The following SGPP2 variants were observed in gnomAD, a reference collection of about 807,000 sequenced individuals.
The protein encoded by SGPP2 is sphingosine-1-phosphate phosphatase 2.
SGPP2 carries 30 observed loss-of-function variants against 33.9 expected under a neutral mutation model. That is an observed-to-expected ratio of 0.89 (90% CI 0.66 to 1.20). The LOEUF is 1.20. SGPP2 is among the 50% of genes most tolerant of loss of function. SGPP2 has a pLI of 0.00. For missense variants in SGPP2, 458 were observed against 532.1 expected (o/e 0.86, Z 1.37); for synonymous variants, 233 against 225.0 (o/e 1.04, Z -0.32).
chr2:222,453,180 A>G (rs930040355), intron 1 of SGPP2: 92 of 779,670 alleles, frequency 1.2e-4, no homozygotes, highest in Non-Finnish European at 2.1e-5. Context: ...AGCAGGAGAC[A>G]TTTGCAAGGA....
chr2:222,538,297 G>A (rs967151007), intron 4 of SGPP2, among the ~76,000 whole-genome samples: 2 of 152,166 alleles, frequency 1.3e-5, no homozygotes, highest in African/African-American at 4.8e-5. Context: ...AACTTTTAGT[G>A]TATATAAATT....
chr2:222,522,924 CT>C (rs376189781), intron 3 of SGPP2, among the ~76,000 whole-genome samples: 7 of 152,216 alleles, frequency 4.6e-5, no homozygotes, highest in Non-Finnish European at 7.3e-5. Context: ...CTCAAGCAAT[CT>C]GCCTGCCTGG....
At position 222,424,578 on chromosome 2, in the gene SGPP2, GGCGGAGCGCGGCCCC is replaced by G; in HGVS notation, c.-23_-9del. 8.2e-7 allele frequency: 1 copy of G among 1,218,066 alleles called. No individual in the cohort carries two copies. Among genetic ancestry groups the G allele is most frequent in the Non-Finnish European group, 1.0e-6 (1 of 976,172 alleles). The allele number at this position is 1,218,066 out of a possible 1,614,324, so 75.5% of individuals were successfully genotyped here. On this transcript the variant is annotated 5_prime_UTR_variant, in exon 1 of 5. Coordinates refer to ENST00000321276, the MANE Select transcript of SGPP2 (RefSeq NM_152386.4). ...GGCACCGGCCCGGCGTGGCAGCGGCGGCGGAGCGCGGCCCCGGGCACACCATGGCCGAGCTGCTGC... is the reference window on the plus strand; with the variant it reads ...GGCACCGGCCCGGCGTGGCAGCGGCGGGGCACACCATGGCCGAGCTGCTGC...
At chr2:222,445,962 C>T (rs755662064) in intron 1 of SGPP2, among the ~76,000 whole-genome samples, 25 of 152,020 alleles carry the variant, frequency 1.6e-4, no homozygotes, top group Admixed American at 1.2e-3. Context: ...TCCAGAAGGG[C>T]GGAACTACAG....
chr2:222,510,261 T>A (rs58859120), intron 2 of SGPP2, among the ~76,000 whole-genome samples: 3,138 of 152,318 alleles, frequency 0.021, 107 homozygotes, highest in African/African-American at 0.07. Context: ...TGGATGAGTG[T>A]CTGGTGTCTG....
chr2:222,474,874 A>G (rs79122199), intron 2 of SGPP2, 148 bp downstream of exon 2: 4 of 703,692 alleles, frequency 5.7e-6, no homozygotes, highest in Non-Finnish European at 9.0e-6. Flanking sequence ...CTTTGGAAAA[A>G]TTAGAAAGCA....
At chr2:222,502,778 A>G (rs899745918) in intron 2 of SGPP2, among the ~76,000 whole-genome samples, 2 of 152,200 alleles carry the variant, frequency 1.3e-5, no homozygotes, top group African/African-American at 4.8e-5. Flanking sequence ...TGCTAAAGCC[A>G]ACAGTGCTGG....
chr2:222,527,964 C>A lies in SGPP2; in HGVS notation c.648+2931C>A, dbSNP rs185501088. Among the ~76,000 whole-genome samples the A allele has an allele frequency of 2.9e-3, 442 of 152,202 alleles. 1 individual carries two copies. The highest frequency in any genetic ancestry group is 9.7e-3 in the African/African-American group (401 of 41,516). ...GAAACCTATGCCACCCCTCAGGTGT[C>A]CAAGTCTACTGAAGGAGACAGATGT... On this transcript the variant is annotated intron_variant, in intron 4 of 4. Coordinates refer to ENST00000321276, the MANE Select transcript of SGPP2 (RefSeq NM_152386.4).
chr2:222,556,581 GC>G (rs1689407113), intron 4 of SGPP2, among the ~76,000 whole-genome samples: 1 of 26,598 alleles, frequency 3.8e-5, no homozygotes, highest in Non-Finnish European at 7.0e-5. Flanking sequence ...CTCACTCCTT[GC>G]CCATCCACTC....
chr2:222,485,725 A>G (rs1574855641), intron 2 of SGPP2, among the ~76,000 whole-genome samples: 2 of 152,066 alleles, frequency 1.3e-5, no homozygotes, highest in South Asian at 4.2e-4. Flanking sequence ...CATCTTCCCC[A>G]CACCCCAGGC....
intron 1 of SGPP2, among the ~76,000 whole-genome samples, chr2:222,468,132 G>A (rs1192665964): frequency 6.6e-6 from 1 of 152,074 alleles, no homozygotes. Context: ...TCTGGAAGAG[G>A]TTGAGGTCCA....
rs145477940 is a variant in SGPP2 at position 222,558,367 on chromosome 2, G to C, written c.669G>C (p.Leu223=). 19 of 1,613,980 alleles carry C rather than the reference G, an allele frequency of 1.2e-5. No individual in the cohort carries two copies. Among genetic ancestry groups the C allele is most frequent in the African/African-American group, 9.3e-5 (7 of 74,898 alleles). The stretch of plus-strand genomic sequence containing the variant: ...CAAAGGATGTGCTGGGTGGCGTCCT[G>C]ATCACCGCACTCCTCATCGTCCTCA... ...HTVLDVLGGV[L]ITALLIVLTY... is the part of the protein sequence containing the mutation. Residue 223 remains leucine (L), a synonymous_variant, in exon 5 of 5, where the codon CTG becomes CTC. Transcript: ENST00000321276.
intron 2 of SGPP2, among the ~76,000 whole-genome samples, chr2:222,506,924 G>A (rs546047478): frequency 6.6e-6 from 1 of 152,196 alleles, no homozygotes; most frequent in South Asian, 2.1e-4. Flanking sequence ...GGTGGACCAT[G>A]AGTGTGGCAG....
chr2:222,481,460 A>G (rs558823120), intron 2 of SGPP2, among the ~76,000 whole-genome samples: 4 of 152,180 alleles, frequency 2.6e-5, no homozygotes, highest in Non-Finnish European at 4.4e-5. Flanking sequence ...TCTGTGTCTC[A>G]GAGGCAGTGT....
rs775953022 is a variant in SGPP2, at chr2:222,558,644, C to G, written c.946C>G (p.Leu316Val). 10 of 1,614,180 alleles carry G rather than the reference C, an allele frequency of 6.2e-6. No individual in the cohort carries two copies. Among genetic ancestry groups the G allele is most frequent in the Non-Finnish European group, 8.5e-6 (10 of 1,180,020 alleles). Residue 316 changes from leucine (L) to valine (V), a missense_variant, in exon 5 of 5, where the codon CTC becomes GTC. By Grantham distance (32) the Leu-to-Val change is conservative (BLOSUM62 1). Transcript: ENST00000321276. ...CCCTGTTATTCAGAACATCCCACCA[C>G]TCACCACCTACATGTTAGTTTTGGG... ...SLPVIQNIPP[L>V]TTYMLVLGLT...
At chr2:222,531,888 C>T (rs1473452265) in intron 4 of SGPP2, among the ~76,000 whole-genome samples, 4 of 152,128 alleles carry the variant, frequency 2.6e-5, no homozygotes, top group African/African-American at 9.7e-5. Flanking sequence ...TGTAGACACC[C>T]AGCATCCACA....
At chr2:222,500,650 T>C (rs1698353842) in intron 2 of SGPP2, among the ~76,000 whole-genome samples, 2 of 152,204 alleles carry the variant, frequency 1.3e-5, no homozygotes, top group Non-Finnish European at 2.9e-5. Flanking sequence ...TCCCCCAGAT[T>C]AGCAGATACA....
chr2:222,489,755 C>T (rs1017654763), intron 2 of SGPP2, among the ~76,000 whole-genome samples: 1 of 152,066 alleles, frequency 6.6e-6, no homozygotes, highest in Non-Finnish European at 1.5e-5. Context: ...CACCTGAGGT[C>T]AGGAGTTCAA....
chr2:222,454,228 G>T (rs1374857916), intron 1 of SGPP2, among the ~76,000 whole-genome samples: 1 of 152,108 alleles, frequency 6.6e-6, no homozygotes, highest in Non-Finnish European at 1.5e-5. Flanking sequence ...AGAGAGGAGA[G>T]CCTGCTGGTG....
Sources: gnomAD v4.1 joint callset for allele counts (sites outside exome capture counted in the v4.1 genomes callset) on GRCh38, gnomAD v4.1.1 for gene constraint, MANE v1.5 for transcripts, NCBI Gene and HGNC (gene_info 2026-07-23, HGNC 2026-07-21) for gene names.